The following ACAN variants were observed in gnomAD, a reference collection of about 807,000 sequenced individuals.
ACAN encodes aggrecan core protein.
Under a neutral mutation model 169.1 loss-of-function variants are expected in ACAN, and 47 were observed. That is an observed-to-expected ratio of 0.28 (90% CI 0.22 to 0.35). The LOEUF is 0.35. Ranked by LOEUF, ACAN falls within the 10% of genes least tolerant of loss-of-function variation. The pLI, the probability that ACAN is intolerant of heterozygous loss-of-function variation, is 1.00. For missense variants in ACAN, 2,716 were observed against 2,759.9 expected (o/e 0.98, Z 0.36); for synonymous variants, 1,115 against 1,112.2 (o/e 1.00, Z -0.05).
intron 12 of ACAN, 116 bp from the exon 13 acceptor site, chr15:88,860,210 C>A: frequency 1.5e-6 from 1 of 669,180 alleles, no homozygotes; most frequent in Non-Finnish European, 2.5e-6. Flanking sequence ...AAAGTGCTGA[C>A]CCAAAGCCAG....
At position 88,866,172 on chromosome 15, in the gene ACAN, C is replaced by T. The variant is rs1338602071; in HGVS notation, c.6947-2044C>T. Among the ~76,000 whole-genome samples, 1 of 152,142 alleles carries T rather than the reference C, an allele frequency of 6.6e-6. No individual in the cohort carries two copies. Among genetic ancestry groups the T allele is most frequent in the Admixed American group, 6.5e-5 (1 of 15,282 alleles). On this transcript the variant is annotated intron_variant, in intron 13 of 18. Coordinates refer to ENST00000560601, the MANE Select transcript of ACAN (RefSeq NM_001369268.1). This position sits in a 1 kb window ranked among gnomAD's most constrained non-coding sequence, Gnocchi z 5.6. ...GACCAGCCTCTGAGACAACTGGATA[C>T]CCCCCAGCCTGACCTCCGCTGGGGT...
At position 88,855,127 on chromosome 15, in the gene ACAN, G is replaced by A. The variant is rs368584197; in HGVS notation, c.2542G>A (p.Val848Met). Residue 848 changes from valine (V) to methionine (M), a missense_variant, in exon 12 of 19, where the codon GTG (valine) becomes ATG (methionine). Val to Met is a conservative substitution (Grantham distance 21). Transcript: ENST00000560601. Reference sequence around the variant, plus strand: ...AGAGCCGTATACACCTTCACCCCCCGTGCCCAGCTGGACTGAGCTGCCCAG... The same window carrying A: ...AGAGCCGTATACACCTTCACCCCCCATGCCCAGCTGGACTGAGCTGCCCAG... Reference protein sequence around the residue: ...SEEPYTPSPPVPSWTELPSSG... With the variant: ...SEEPYTPSPPMPSWTELPSSG... The A allele has an allele frequency of 2.2e-4, 351 of 1,607,666 alleles. No individual in the cohort carries two copies. Among genetic ancestry groups the A allele is most frequent in the Middle Eastern group, 3.3e-4 (2 of 6,022 alleles).
Position 88,861,121 on chromosome 15 carries a change from C to T in ACAN, c.6946+682C>T, listed in dbSNP as rs929223278. ...TGGTTAGAATCTACCTGTTGTTCCACGGACACACGGGAGGCCCGTGGTCAT... is the reference window on the plus strand; with the variant it reads ...TGGTTAGAATCTACCTGTTGTTCCATGGACACACGGGAGGCCCGTGGTCAT... On this transcript the variant is annotated intron_variant, in intron 13 of 18. Transcript: ENST00000560601. The surrounding 1 kb of genome is among the most constrained non-coding windows in gnomAD (Gnocchi z 6.3). Among the ~76,000 whole-genome samples the T allele has an allele frequency of 2.6e-5, 4 of 152,250 alleles. No homozygotes were observed. The highest frequency in any genetic ancestry group is 2.1e-4 in the South Asian group (1 of 4,822).
intron 1 of ACAN, among the ~76,000 whole-genome samples, chr15:88,830,612 G>A (rs993538800): frequency 6.6e-6 from 1 of 151,998 alleles, no homozygotes; most frequent in African/African-American, 2.4e-5. Flanking sequence ...TTCCCTCTGT[G>A]TATCTAAACC....
chr15:88,818,579 C>A (rs755060579), intron 1 of ACAN, among the ~76,000 whole-genome samples: 1 of 152,156 alleles, frequency 6.6e-6, no homozygotes, highest in Non-Finnish European at 1.5e-5. Context: ...ATTTCTCATA[C>A]GATATGGCCC....
rs370553764 is a variant in ACAN at position 88,821,558 on chromosome 15, G to A, written c.-7-14642G>A. Among the ~76,000 whole-genome samples, 5 of 152,292 alleles carry A rather than the reference G, an allele frequency of 3.3e-5. No individual in the cohort carries two copies. In the East Asian group the frequency reaches 7.7e-4, roughly 24 times the overall value. ...GCACCTGCTACAGAGTCTTCCATAT[G>A]GTGAGTGTTTGACAGAGGAAAGGAA... On this transcript the variant is annotated intron_variant, in intron 1 of 18. Transcript: ENST00000560601.
rs1377044582 is a variant in ACAN at position 88,874,611 on chromosome 15, A to C, written c.*130A>C. 3 of 924,682 alleles carry C rather than the reference A, an allele frequency of 3.2e-6. No homozygotes were observed. In the Admixed American group the frequency reaches 6.0e-5, roughly 18 times the overall value. 57.3% of individuals were successfully genotyped at this position (924,682 alleles called of 1,614,324 possible). A position where few individuals can be genotyped will look rare whatever the true frequency, so the allele number is the denominator to read the frequency against. The stretch of plus-strand genomic sequence containing the variant: ...AGGAATCCCATTAAAGAAGGAAAAA[A>C]ATAAATCCCACATTTGTGTATGCAC... On this transcript the variant is annotated 3_prime_UTR_variant, in exon 19 of 19. Transcript: ENST00000560601. The surrounding 1 kb of genome is among the most constrained non-coding windows in gnomAD (Gnocchi z 7.3).
rs758533241 is a variant in ACAN, at chr15:88,874,058, G to A, written c.7630+34G>A. 1 of 1,602,964 alleles carries A rather than the reference G, an allele frequency of 6.2e-7. No homozygotes were observed. Among genetic ancestry groups the A allele is most frequent in the East Asian group, 2.2e-5 (1 of 44,836 alleles). The stretch of plus-strand genomic sequence containing the variant: ...CACCCCGGCCATCTCGCTGAGCACA[G>A]GGTTAGATTCTGCCAGCACAGCCTT... On this transcript the variant is annotated intron_variant, in intron 18 of 18. Transcript: ENST00000560601. This position sits in a 1 kb window ranked among gnomAD's most constrained non-coding sequence, Gnocchi z 7.3.
rs1176232499 is a variant in ACAN at position 88,847,433 on chromosome 15, T to A, written c.1604+16T>A. ...AGACCGTCAGGTGAAGCCATGCTCC[T>A]CGCCCAGCCCAAACCCAATTGAAGA... On this transcript the variant is annotated intron_variant, in intron 8 of 18. Transcript: ENST00000560601. The A allele has an allele frequency of 6.5e-7, 1 of 1,549,330 alleles. No homozygotes were observed. The highest frequency in any genetic ancestry group is 1.9e-5 in the Admixed American group (1 of 53,986).
Position 88,843,425 on chromosome 15 carries a change from G to A in ACAN, c.828G>A (p.Leu276=), listed in dbSNP as rs778047250. 55 of 1,605,968 alleles carry A rather than the reference G, an allele frequency of 3.4e-5. 1 individual carries two copies. Among genetic ancestry groups the A allele is most frequent in the Non-Finnish European group, 4.3e-5 (50 of 1,174,388 alleles). Residue 276 remains leucine, a synonymous_variant, in exon 6 of 19, where the codon CTG becomes CTA. Coordinates refer to ENST00000560601, the MANE Select transcript of ACAN (RefSeq NM_001369268.1). The surrounding 1 kb of genome is among the most constrained non-coding windows in gnomAD (Gnocchi z 4.0). ...FQEAANECRR[L]GARLATTGQL... ...AAGCAGCCAATGAGTGCCGGCGGCT[G>A]GGTGCCCGGCTGGCCACCACGGGCC...
Position 88,849,343 on chromosome 15 carries a change from T to A in ACAN, c.1733-95T>A. Reference sequence around the variant, plus strand: ...GAGCTGGGCTGGGTCTTAGCCCTGGTGAGGAGGGTTAGAGGAACTCTGTCC... The same window carrying A: ...GAGCTGGGCTGGGTCTTAGCCCTGGAGAGGAGGGTTAGAGGAACTCTGTCC... On this transcript the variant is annotated intron_variant, in intron 9 of 18. Coordinates refer to ENST00000560601, the MANE Select transcript of ACAN (RefSeq NM_001369268.1). This position sits in a 1 kb window ranked among gnomAD's most constrained non-coding sequence, Gnocchi z 5.1. 11 of 1,272,836 alleles carry A rather than the reference T, an allele frequency of 8.6e-6. No individual in the cohort carries two copies. Among genetic ancestry groups the A allele is most frequent in the Non-Finnish European group, 1.2e-5 (11 of 949,214 alleles). 78.8% of individuals were successfully genotyped at this position (1,272,836 alleles called of 1,614,324 possible).
Position 88,868,149 on chromosome 15 carries a change from G to A in ACAN, c.6947-67G>A. Reference sequence around the variant, plus strand: ...CAGCAGGACTGGCCACTCAAAAGGAGGCCACAGTGCTTGTGAGGCTGGAGT... The same window carrying A: ...CAGCAGGACTGGCCACTCAAAAGGAAGCCACAGTGCTTGTGAGGCTGGAGT... On this transcript the variant is annotated intron_variant, in intron 13 of 18. Coordinates refer to ENST00000560601, the MANE Select transcript of ACAN (RefSeq NM_001369268.1). This position sits in a 1 kb window ranked among gnomAD's most constrained non-coding sequence, Gnocchi z 5.2. The A allele has an allele frequency of 3.0e-6, 2 of 673,594 alleles. No individual in the cohort carries two copies. The highest frequency in any genetic ancestry group is 5.4e-6 in the Non-Finnish European group (2 of 369,698). 41.7% of individuals were successfully genotyped at this position (673,594 alleles called of 1,614,324 possible). A position where few individuals can be genotyped will look rare whatever the true frequency, so the allele number is the denominator to read the frequency against.
In ACAN at chr15:88,808,017, G is replaced by A. The variant is rs148112095; in HGVS notation, c.-8+4208G>A. Among the ~76,000 whole-genome samples, 13 of 152,274 alleles carry A rather than the reference G, an allele frequency of 8.5e-5. No individual in the cohort carries two copies. The East Asian group carries it at 2.3e-3, about 27-fold the overall frequency. ...AAAAAGGAGCCACCTCTTCTGTGTA[G>A]GTCACTATTTTGGTGTATGTGGGGG... On this transcript the variant is annotated intron_variant, in intron 1 of 18. Transcript: ENST00000560601.
chr15:88,829,457 T>G (rs751700780), intron 1 of ACAN, among the ~76,000 whole-genome samples: 29 of 152,142 alleles, frequency 1.9e-4, no homozygotes, highest in South Asian at 6.2e-4. Context: ...ACAGCTGCAG[T>G]TGGGGTGACT....
rs57985365 is a variant in ACAN, at chr15:88,860,072, C to CTTTTTTTTTTTTTTTT, written c.6833-248_6833-233dup. Among the ~76,000 whole-genome samples, 4 of 102,900 alleles carry CTTTTTTTTTTTTTTTT rather than the reference C, an allele frequency of 3.9e-5. 1 individual carries two copies. The highest frequency in any genetic ancestry group is 9.5e-5 in the African/African-American group (2 of 21,142). The allele number at this position is 102,900 out of a possible 152,430, so 67.5% of individuals were successfully genotyped here. On this transcript the variant is annotated intron_variant, in intron 12 of 18. Transcript: ENST00000560601. Reference sequence around the variant, plus strand: ...GCACTGGTAGCGGTAGCTGATTTTCCTTTTTTTTTTTTTTTTTTTTTGCTC... The same window carrying CTTTTTTTTTTTTTTTT: ...GCACTGGTAGCGGTAGCTGATTTTCCTTTTTTTTTTTTTTTTTTTTTTTTTTTTTTTTTTTTTGCTC...
intron 6 of ACAN, among the ~76,000 whole-genome samples, chr15:88,845,184 C>T (rs1412764417): frequency 6.6e-6 from 1 of 152,194 alleles, no homozygotes; most frequent in African/African-American, 2.4e-5. Flanking sequence ...GCTCATGAGA[C>T]GAGTGAAGCA....
In ACAN at chr15:88,836,388, C is replaced by T. The variant is rs1649882999; in HGVS notation, c.70+112C>T. 5 of 1,001,194 alleles carry T rather than the reference C, an allele frequency of 5.0e-6. No homozygotes were observed. In the South Asian group the frequency reaches 6.9e-5, roughly 14 times the overall value. 62.0% of individuals were successfully genotyped at this position (1,001,194 alleles called of 1,614,324 possible). A position where few individuals can be genotyped will look rare whatever the true frequency, so the allele number is the denominator to read the frequency against. ...TCCCAGGGATATAATTTCCCCTTTC[C>T]TGGACTTTTCCTGGCCCCACCCTTC... On this transcript the variant is annotated intron_variant, in intron 2 of 18. Transcript: ENST00000560601.
At chr15:88,815,923 T>A (rs949761764) in intron 1 of ACAN, among the ~76,000 whole-genome samples, 3 of 152,210 alleles carry the variant, frequency 2.0e-5, no homozygotes, top group African/African-American at 7.2e-5. Context: ...GCCAGAAGTC[T>A]GAAATCAAGC....
At position 88,814,885 on chromosome 15, in the gene ACAN, GTCC is replaced by G. The variant is rs1895901436; in HGVS notation, c.-8+11082_-8+11084del. On this transcript the variant is annotated intron_variant, in intron 1 of 18. Transcript: ENST00000560601. The surrounding 1 kb of genome is among the most constrained non-coding windows in gnomAD (Gnocchi z 4.0). ...CTACCGAACTCTGCCTCCATCCCCT[GTCC>G]TCCTCTCCTGGGACTAGGGAGTGGG... 1.3e-5 allele frequency among the ~76,000 whole-genome samples: 2 copies of G among 152,288 alleles called. No homozygotes were observed. Among genetic ancestry groups the G allele is most frequent in the South Asian group, 4.1e-4 (2 of 4,822 alleles).
Sources: gnomAD v4.1 joint callset for allele counts (sites outside exome capture counted in the v4.1 genomes callset) on GRCh38, gnomAD v4.1.1 for gene constraint, Gnocchi (gnomAD v3.1) non-coding constraint, MANE v1.5 for transcripts, NCBI Gene and HGNC (gene_info 2026-07-23, HGNC 2026-07-21) for gene names.